The following CLMP variants were observed in gnomAD, a reference collection of about 807,000 sequenced individuals.
The protein encoded by CLMP is CXADR like cell adhesion molecule.
Under a neutral mutation model 45.2 loss-of-function variants are expected in CLMP, and 27 were observed. That is an observed-to-expected ratio of 0.60 (90% CI 0.44 to 0.82). The LOEUF (loss-of-function observed/expected upper bound fraction) is 0.82, where lower values mean the gene tolerates loss of function less well. CLMP is among the 40% of genes least tolerant of loss of function. The pLI is 0.00. For synonymous variants in CLMP, 167 were observed against 171.4 expected (o/e 0.97, Z 0.20); for missense variants, 403 against 448.4 (o/e 0.90, Z 0.91).
At chr11:123,157,320 C>T (rs1051950135) in intron 1 of CLMP, among the ~76,000 whole-genome samples, 5 of 151,916 alleles carry the variant, frequency 3.3e-5, no homozygotes, top group East Asian at 3.9e-4. Flanking sequence ...TTTGGGAGGT[C>T]GAGGTGGGTG....
chr11:123,171,002 A>G (rs1861625464), intron 1 of CLMP, among the ~76,000 whole-genome samples: 1 of 152,198 alleles, frequency 6.6e-6, no homozygotes, highest in Admixed American at 6.5e-5. Context: ...ACATATTATG[A>G]TATTTGTTAA....
At chr11:123,107,114 G>A (rs1368001593) in intron 1 of CLMP, among the ~76,000 whole-genome samples, 1 of 151,168 alleles carries the variant, frequency 6.6e-6, no homozygotes, top group African/African-American at 2.4e-5. Flanking sequence ...AGGCTGGAGT[G>A]CAGTGGCACA....
chr11:123,089,110 G>A (rs1014090099), intron 2 of CLMP, among the ~76,000 whole-genome samples: 18 of 151,962 alleles, frequency 1.2e-4, no homozygotes, highest in Non-Finnish European at 1.6e-4. Flanking sequence ...CATTTTTCTC[G>A]CCCGGGGCTC....
chr11:123,096,676 G>GT (rs1865993506), intron 2 of CLMP, among the ~76,000 whole-genome samples: 1 of 152,154 alleles, frequency 6.6e-6, no homozygotes, highest in South Asian at 2.1e-4. Flanking sequence ...ATTTAAGCAA[G>GT]TTACACTATA....
At chr11:123,116,731 ATTC>A (rs1479372586) in intron 1 of CLMP, among the ~76,000 whole-genome samples, 2 of 152,320 alleles carry the variant, frequency 1.3e-5, no homozygotes, top group South Asian at 2.1e-4. Flanking sequence ...TATGACATGA[ATTC>A]TTCTTTCTGT....
At chr11:123,092,420 C>T (rs552589319) in intron 2 of CLMP, among the ~76,000 whole-genome samples, 3 of 152,236 alleles carry the variant, frequency 2.0e-5, no homozygotes, top group South Asian at 4.1e-4. Flanking sequence ...GCCTCAGCCT[C>T]TCGAGTAGCT....
chr11:123,126,085 G>A (rs1176554527), intron 1 of CLMP, among the ~76,000 whole-genome samples: 1 of 152,068 alleles, frequency 6.6e-6, no homozygotes, highest in Non-Finnish European at 1.5e-5. Context: ...CTCTTCCAAG[G>A]GGCCAGCCTG....
At chr11:123,113,444 C>T (rs1488461806) in intron 1 of CLMP, among the ~76,000 whole-genome samples, 1 of 152,164 alleles carries the variant, frequency 6.6e-6, no homozygotes, top group Non-Finnish European at 1.5e-5. Flanking sequence ...CTAATGTGAT[C>T]AGGGATGGCT....
intron 3 of CLMP, 117 bp downstream of exon 3, chr11:123,084,395 G>C (rs1193647693): frequency 3.8e-6 from 3 of 785,194 alleles, no homozygotes; most frequent in Non-Finnish European, 6.4e-6. Context: ...GGTGACCTCT[G>C]AATGTGTAAT....
chr11:123,114,738 ATGTGC>A (rs1168673146), intron 1 of CLMP, among the ~76,000 whole-genome samples: 1 of 152,186 alleles, frequency 6.6e-6, no homozygotes, highest in Non-Finnish European at 1.5e-5. Flanking sequence ...AGGACTTATT[ATGTGC>A]AAAGCATTGG....
chr11:123,096,027 T>A (rs541905269), intron 2 of CLMP, among the ~76,000 whole-genome samples: 18 of 152,202 alleles, frequency 1.2e-4, no homozygotes, highest in African/African-American at 4.3e-4. Context: ...CATTCAGAAC[T>A]GAGAGTATCA....
At chr11:123,188,491 C>T (rs1487732200) in intron 1 of CLMP, among the ~76,000 whole-genome samples, 2 of 152,104 alleles carry the variant, frequency 1.3e-5, no homozygotes, top group Non-Finnish European at 2.9e-5. Flanking sequence ...TCTCCTCTGC[C>T]ACCGTTCGTG....
rs546743576 is a variant in CLMP, at chr11:123,099,656, AGAT to A, written c.29-1707_29-1705del. ...AGGAAAGGTGTTGAGATGTTGGGGG[AGAT>A]GATGGGATCAAAAGCACAGGATGGG... On this transcript the variant is annotated intron_variant, in intron 1 of 6. Transcript: ENST00000448775. Among the ~76,000 whole-genome samples the A allele has an allele frequency of 1.0e-3, 157 of 152,172 alleles. 1 individual carries two copies. The highest frequency in any genetic ancestry group is 1.8e-3 in the Non-Finnish European group (123 of 68,020).
intron 1 of CLMP, 140 bp downstream of exon 1, chr11:123,194,773 C>T: frequency 9.9e-7 from 1 of 1,014,726 alleles, no homozygotes; most frequent in Non-Finnish European, 1.5e-6. Flanking sequence ...TGTGCTCCTC[C>T]GTGGCCAGGA....
At chr11:123,136,413 G>GGTCCCCCCCACCCCGCCCTCCTT in intron 1 of CLMP, 7 of 442,114 alleles carry the variant, frequency 1.6e-5, no homozygotes, top group Non-Finnish European at 2.9e-5. Context: ...GTTCTAGGGT[G>GGTCCCCCCCACCCCGCCCTCCTT]GTCCCCCCCA....
intron 5 of CLMP, among the ~76,000 whole-genome samples, chr11:123,076,463 T>C (rs527897416): frequency 6.6e-6 from 1 of 152,250 alleles, no homozygotes; most frequent in Admixed American, 6.5e-5. Flanking sequence ...AATGGATAAA[T>C]TCCATGAAGG....
chr11:123,078,640 T>A (rs9787777), intron 5 of CLMP, among the ~76,000 whole-genome samples: 5 of 140,306 alleles, frequency 3.6e-5, no homozygotes, highest in African/African-American at 1.4e-4. Flanking sequence ...TTTTTTTTGG[T>A]TTTTTTTGTT....
intron 1 of CLMP, among the ~76,000 whole-genome samples, chr11:123,170,318 C>T (rs1861613455): frequency 6.6e-6 from 1 of 152,074 alleles, no homozygotes; most frequent in Non-Finnish European, 1.5e-5. Flanking sequence ...GGGCAAACTC[C>T]CCAGGCCTCT....
intron 6 of CLMP, 41 bp from the exon 7 acceptor site, chr11:123,073,815 G>T: frequency 6.6e-7 from 1 of 1,526,024 alleles, no homozygotes; most frequent in East Asian, 2.3e-5. Flanking sequence ...TGGCAGATCT[G>T]TGATTGCTTC....
Sources: allele counts gnomAD v4.1 joint callset (sites outside exome capture counted in the v4.1 genomes callset), GRCh38; gene constraint gnomAD v4.1.1; transcripts MANE v1.5; gene names NCBI Gene and HGNC (gene_info 2026-07-23, HGNC 2026-07-21).